The following SEMA6D variants were observed in gnomAD, a reference collection of about 807,000 sequenced individuals.
SEMA6D encodes semaphorin 6D.
A neutral mutation model predicts 106.6 loss-of-function variants in SEMA6D; 35 were observed. The observed-to-expected ratio is 0.33, with a 90% CI of 0.25 to 0.44. The LOEUF (loss-of-function observed/expected upper bound fraction) is 0.44. SEMA6D is among the 20% of genes least tolerant of loss of function. SEMA6D has a pLI of 1.00. For missense variants in SEMA6D, 1,185 were observed against 1,345.9 expected (o/e 0.88, Z 1.87); for synonymous variants, 499 against 487.7 (o/e 1.02, Z -0.31).
At chr15:47,662,126 A>G (rs1036983047) in intron 4 of SEMA6D, among the ~76,000 whole-genome samples, 17 of 152,142 alleles carry the variant, frequency 1.1e-4, no homozygotes, top group Admixed American at 9.2e-4. Context: ...GAAAGCAAAC[A>G]TGGAGGGCAG....
intron 4 of SEMA6D, among the ~76,000 whole-genome samples, chr15:47,681,883 T>C (rs1234992067): frequency 6.6e-6 from 1 of 152,226 alleles, no homozygotes; most frequent in Non-Finnish European, 1.5e-5. Flanking sequence ...ATAGCTGATG[T>C]TGGCAAAATT....
intron 2 of SEMA6D, among the ~76,000 whole-genome samples, chr15:47,440,205 A>G (rs1315164197): frequency 6.6e-6 from 1 of 152,134 alleles, no homozygotes; most frequent in African/African-American, 2.4e-5. Flanking sequence ...AGAGAGAAAT[A>G]CAGGGACTTG....
At chr15:47,236,436 T>C (rs2032544989) in intron 1 of SEMA6D, among the ~76,000 whole-genome samples, 1 of 152,146 alleles carries the variant, frequency 6.6e-6, no homozygotes. Flanking sequence ...TAGCATTTTA[T>C]GTAACCAATA....
At chr15:47,316,272 A>G (rs1209989520) in intron 1 of SEMA6D, among the ~76,000 whole-genome samples, 1 of 151,226 alleles carries the variant, frequency 6.6e-6, no homozygotes, top group Admixed American at 6.6e-5. Flanking sequence ...GTATATTTTT[A>G]TTGGAGACAG....
intron 2 of SEMA6D, among the ~76,000 whole-genome samples, chr15:47,450,273 G>A (rs887255213): frequency 6.6e-6 from 1 of 151,950 alleles, no homozygotes; most frequent in Non-Finnish European, 1.5e-5. Flanking sequence ...TTCTTTTCGT[G>A]CATTCATTCC....
At chr15:47,346,566 T>G (rs1025557603) in intron 1 of SEMA6D, among the ~76,000 whole-genome samples, 12 of 152,316 alleles carry the variant, frequency 7.9e-5, no homozygotes, top group African/African-American at 2.9e-4. Context: ...GTTACATGAC[T>G]TTAAATAAAA....
chr15:47,691,932 T>C (rs1393663866), intron 4 of SEMA6D, among the ~76,000 whole-genome samples: 2 of 151,976 alleles, frequency 1.3e-5, no homozygotes, highest in Non-Finnish European at 2.9e-5. Flanking sequence ...GATGGAGCCG[T>C]AGAAGAAAAC....
At chr15:47,307,492 T>C (rs540616858) in intron 1 of SEMA6D, among the ~76,000 whole-genome samples, 5 of 152,278 alleles carry the variant, frequency 3.3e-5, no homozygotes, top group East Asian at 1.9e-4. Flanking sequence ...AGGAAAAATA[T>C]GAATTTTCTC....
intron 4 of SEMA6D, among the ~76,000 whole-genome samples, chr15:47,696,021 G>A (rs117073013): frequency 8.6e-4 from 131 of 152,242 alleles, no homozygotes; most frequent in South Asian, 2.1e-3. Flanking sequence ...TGTTTATGCC[G>A]TTTAATTCTC....
At chr15:47,240,003 T>C (rs182571944) in intron 1 of SEMA6D, among the ~76,000 whole-genome samples, 2 of 152,302 alleles carry the variant, frequency 1.3e-5, no homozygotes, top group East Asian at 3.9e-4. Flanking sequence ...AAATATTCAA[T>C]AAATTTGAGC....
intron 2 of SEMA6D, among the ~76,000 whole-genome samples, chr15:47,456,111 T>C (rs2042338590): frequency 6.6e-6 from 1 of 151,910 alleles, no homozygotes; most frequent in Admixed American, 6.6e-5. Flanking sequence ...AGGAGCTTAC[T>C]GACAATTAGG....
intron 4 of SEMA6D, among the ~76,000 whole-genome samples, chr15:47,617,438 C>A (rs1286934476): frequency 6.6e-6 from 1 of 152,130 alleles, no homozygotes; most frequent in Admixed American, 6.5e-5. Flanking sequence ...TCAGTAAAAA[C>A]TTCTACTATT....
At chr15:47,254,923 C>T (rs1409502479) in intron 1 of SEMA6D, among the ~76,000 whole-genome samples, 1 of 85,010 alleles carries the variant, frequency 1.2e-5, no homozygotes, top group African/African-American at 4.3e-5. Context: ...GTGTCCTTGT[C>T]TAGTTTTGGT....
chr15:47,744,840 T>G (rs1431642457), intron 1 of SEMA6D, among the ~76,000 whole-genome samples: 1 of 152,186 alleles, frequency 6.6e-6, no homozygotes, highest in African/African-American at 2.4e-5. Flanking sequence ...AATTTTACTT[T>G]GAGTGAAGAA....
At chr15:47,387,197 A>G (rs539261475) in intron 1 of SEMA6D, among the ~76,000 whole-genome samples, 168 of 152,340 alleles carry the variant, frequency 1.1e-3, no homozygotes, top group African/African-American at 3.9e-3. Context: ...ATTCCAAAGC[A>G]TATCCCTATC....
intron 3 of SEMA6D, among the ~76,000 whole-genome samples, chr15:47,597,946 T>C (rs12439024): frequency 0.17 from 26,197 of 151,102 alleles, 2,631 homozygotes; most frequent in African/African-American, 0.25. Context: ...AAATTAAATT[T>C]AAAAAACTAA....
chr15:47,432,767 T>G (rs186107986), intron 2 of SEMA6D, among the ~76,000 whole-genome samples: 1 of 152,258 alleles, frequency 6.6e-6, no homozygotes, highest in East Asian at 1.9e-4. Flanking sequence ...CTCCTAATTA[T>G]GATCTGAGCA....
At chr15:47,659,758 T>C (rs2077879246) in intron 4 of SEMA6D, among the ~76,000 whole-genome samples, 1 of 152,116 alleles carries the variant, frequency 6.6e-6, no homozygotes, top group East Asian at 1.9e-4. Flanking sequence ...ATACACAGGT[T>C]ACTGAAAAAA....
chr15:47,497,338 G>A (rs1596156434), intron 3 of SEMA6D, among the ~76,000 whole-genome samples: 2 of 151,176 alleles, frequency 1.3e-5, no homozygotes, highest in African/African-American at 4.8e-5. Flanking sequence ...TTTTCCTCAA[G>A]CTTTTCTCTT....
Sources: allele counts gnomAD v4.1 joint callset (sites outside exome capture counted in the v4.1 genomes callset), GRCh38; gene constraint gnomAD v4.1.1; transcripts MANE v1.5; gene names NCBI Gene and HGNC (gene_info 2026-07-23, HGNC 2026-07-21).